The following GRM7 variants were observed in gnomAD, a reference collection of about 807,000 sequenced individuals.
GRM7 encodes the protein metabotropic glutamate receptor 7.
Under a neutral mutation model 84.5 loss-of-function variants are expected in GRM7, and 35 were observed. The ratio of observed to expected loss-of-function variants is 0.41; its 90% CI spans 0.32 to 0.55. The LOEUF (loss-of-function observed/expected upper bound fraction) is 0.55, where lower values mean the gene tolerates loss of function less well. Among genes scored for constraint, GRM7 ranks in the 20% least tolerant of loss-of-function variants. GRM7 has a pLI of 0.19. For synonymous variants in GRM7, 487 were observed against 455.1 expected (o/e 1.07, Z -0.89); for missense variants, 1,003 against 1,194.6 (o/e 0.84, Z 2.36).
intron 1 of GRM7, among the ~76,000 whole-genome samples, chr3:6,942,279 T>C (rs1397922226): frequency 6.6e-6 from 1 of 152,144 alleles, no homozygotes; most frequent in Non-Finnish European, 1.5e-5. Flanking sequence ...AAAGGGCTTA[T>C]TTTTAACAGC....
At chr3:7,100,123 A>G (rs1303937942) in intron 1 of GRM7, among the ~76,000 whole-genome samples, 1 of 151,408 alleles carries the variant, frequency 6.6e-6, no homozygotes, top group African/African-American at 2.4e-5. Context: ...TTCGAAGTAG[A>G]TTTGAAAGTG....
chr3:7,287,598 G>A (rs140510229), intron 2 of GRM7, among the ~76,000 whole-genome samples: 78 of 152,166 alleles, frequency 5.1e-4, no homozygotes, highest in African/African-American at 1.9e-3. Flanking sequence ...GTAAGAAGGG[G>A]AATAATTTTC....
At chr3:7,100,981 A>AT (rs56351425) in intron 1 of GRM7, among the ~76,000 whole-genome samples, 1 of 151,240 alleles carries the variant, frequency 6.6e-6, no homozygotes, top group East Asian at 1.9e-4. Context: ...TATACTAAAG[A>AT]TTTTTTATCC....
At chr3:7,523,242 C>A (rs1038310220) in intron 7 of GRM7, among the ~76,000 whole-genome samples, 1 of 152,094 alleles carries the variant, frequency 6.6e-6, no homozygotes, top group Non-Finnish European at 1.5e-5. Flanking sequence ...TCACATTGTG[C>A]CTTTCAACAA....
intron 1 of GRM7, among the ~76,000 whole-genome samples, chr3:7,103,456 C>G (rs1176377055): frequency 6.6e-6 from 1 of 151,680 alleles, no homozygotes; most frequent in East Asian, 1.9e-4. Context: ...CTGGAGTTCC[C>G]CCCACACAAA....
chr3:6,954,732 A>G (rs947810377), intron 1 of GRM7, among the ~76,000 whole-genome samples: 7 of 152,226 alleles, frequency 4.6e-5, no homozygotes, highest in African/African-American at 1.7e-4. Context: ...AGTCAGTGAC[A>G]TTCCTTCATA....
chr3:7,005,812 G>T (rs928613595), intron 1 of GRM7, among the ~76,000 whole-genome samples: 1 of 152,158 alleles, frequency 6.6e-6, no homozygotes, highest in Non-Finnish European at 1.5e-5. Context: ...TTTATAGGGA[G>T]TCAAGGCTGA....
At chr3:6,925,292 C>G (rs1391270234) in intron 1 of GRM7, among the ~76,000 whole-genome samples, 1 of 152,120 alleles carries the variant, frequency 6.6e-6, no homozygotes, top group African/African-American at 2.4e-5. Context: ...TTAGCAAAGT[C>G]CCTCAATAAG....
chr3:7,318,319 C>T (rs2125050047), intron 4 of GRM7, among the ~76,000 whole-genome samples: 1 of 152,150 alleles, frequency 6.6e-6, no homozygotes, highest in Admixed American at 6.6e-5. Context: ...GACTTCTCTT[C>T]CTTGCAAGCA....
At chr3:6,882,430 C>A (rs1425157253) in intron 1 of GRM7, among the ~76,000 whole-genome samples, 1 of 152,034 alleles carries the variant, frequency 6.6e-6, no homozygotes, top group Non-Finnish European at 1.5e-5. Flanking sequence ...CTTTTAGTCC[C>A]AGCTACTCCA....
At chr3:7,426,226 T>A (rs2124838448) in intron 5 of GRM7, among the ~76,000 whole-genome samples, 1 of 152,172 alleles carries the variant, frequency 6.6e-6, no homozygotes, top group African/African-American at 2.4e-5. Context: ...TTCAAGTGAT[T>A]CTCTTGCCTC....
At chr3:7,226,675 G>T (rs1400165) in intron 2 of GRM7, among the ~76,000 whole-genome samples, 13 of 151,996 alleles carry the variant, frequency 8.6e-5, no homozygotes, top group African/African-American at 2.4e-4. Flanking sequence ...TAGAAGATAA[G>T]GAGAAAAGTC....
intron 1 of GRM7, among the ~76,000 whole-genome samples, chr3:7,009,064 T>C (rs991174871): frequency 2.0e-5 from 3 of 152,220 alleles, no homozygotes; most frequent in Non-Finnish European, 2.9e-5. Context: ...ATTTCAAAAT[T>C]ATCAATTCTT....
chr3:7,008,243 C>CTGTGCAGCATT (rs1448359608), intron 1 of GRM7, among the ~76,000 whole-genome samples: 1 of 152,110 alleles, frequency 6.6e-6, no homozygotes, highest in Admixed American at 6.5e-5. Context: ...GGCTAATTGG[C>CTGTGCAGCATT]TGTGCAGCAT....
At chr3:7,211,427 C>T (rs772789801) in intron 2 of GRM7, among the ~76,000 whole-genome samples, 4 of 152,062 alleles carry the variant, frequency 2.6e-5, no homozygotes, top group Non-Finnish European at 4.4e-5. Flanking sequence ...TGATAAACAT[C>T]GGATTTGTTG....
intron 4 of GRM7, among the ~76,000 whole-genome samples, chr3:7,328,747 C>T (rs532565425): frequency 6.6e-6 from 1 of 152,248 alleles, no homozygotes; most frequent in Non-Finnish European, 1.5e-5. Flanking sequence ...TCCTCTCTGA[C>T]ATGAATTTTC....
intron 1 of GRM7, among the ~76,000 whole-genome samples, chr3:7,010,189 G>A (rs1010319476): frequency 8.5e-5 from 13 of 152,172 alleles, no homozygotes; most frequent in Non-Finnish European, 1.3e-4. Context: ...GGTGCCTTAC[G>A]CCTGTAATCC....
At chr3:7,583,732 A>T (rs539119917) in intron 8 of GRM7, among the ~76,000 whole-genome samples, 1 of 152,226 alleles carries the variant, frequency 6.6e-6, no homozygotes, top group African/African-American at 2.4e-5. Context: ...GCCAAATGCC[A>T]TACAGCAAGG....
rs556125500 is a variant in GRM7 at position 7,246,282 on chromosome 3, A to C, written c.737-52402A>C. Among the ~76,000 whole-genome samples the C allele has an allele frequency of 4.6e-5, 7 of 152,240 alleles. No homozygotes were observed. The South Asian group carries it at 1.4e-3, about 32-fold the overall frequency. On this transcript the variant is annotated intron_variant, in intron 2 of 9. Coordinates refer to ENST00000357716, the MANE Select transcript of GRM7 (RefSeq NM_000844.4). ...ATGTGGCTCCAGATTAGCCTATTGC[A>C]TCTACCTGGGAAGTACTATAAGTAC...
Sources: allele counts gnomAD v4.1 joint callset (sites outside exome capture counted in the v4.1 genomes callset), GRCh38; gene constraint gnomAD v4.1.1; transcripts MANE v1.5; gene names NCBI Gene and HGNC (gene_info 2026-07-23, HGNC 2026-07-21).